The following IGF1R variants were observed in gnomAD, a reference collection of about 807,000 sequenced individuals.
The protein encoded by IGF1R is insulin like growth factor 1 receptor, also known as insulin-like growth factor 1 receptor.
Under a neutral mutation model 144.6 loss-of-function variants are expected in IGF1R, and 44 were observed. That is an observed-to-expected ratio of 0.30 (90% CI 0.24 to 0.39). The LOEUF is 0.39. Among genes scored for constraint, IGF1R ranks in the 10% least tolerant of loss-of-function variants. The pLI is 1.00. For missense variants in IGF1R, 1,355 were observed against 1,833.7 expected (o/e 0.74, Z 4.77); for synonymous variants, 795 against 722.8 (o/e 1.10, Z -1.60).
At chr15:98,741,122 C>T (rs906426093) in intron 2 of IGF1R, among the ~76,000 whole-genome samples, 2 of 151,868 alleles carry the variant, frequency 1.3e-5, no homozygotes, top group Non-Finnish European at 2.9e-5. Flanking sequence ...TTTAGAATGA[C>T]TCTCTTGGGT....
Position 98,959,073 on chromosome 15 carries a change from C to G in IGF1R, c.*1631C>G, listed in dbSNP as rs1376023656. ...GCCTGTTACAGTGCAAGACATGATA[C>G]AAACTCAGGTCAGAAAAACAAAGGT... On this transcript the variant is annotated 3_prime_UTR_variant, in exon 21 of 21. Coordinates refer to ENST00000650285, the MANE Select transcript of IGF1R (RefSeq NM_000875.5). 4 of 233,176 alleles carry G rather than the reference C, an allele frequency of 1.7e-5. No homozygotes were observed. The East Asian group carries it at 2.4e-4, about 14-fold the overall frequency. 14.4% of individuals were successfully genotyped at this position (233,176 alleles called of 1,614,324 possible).
intron 2 of IGF1R, among the ~76,000 whole-genome samples, chr15:98,856,997 C>G: frequency 6.6e-6 from 1 of 151,850 alleles, no homozygotes. Context: ...ACCCCTTTCT[C>G]TTAAGTTTTG....
At chr15:98,884,736 C>CATATCTTGA (rs2013555303) in intron 2 of IGF1R, among the ~76,000 whole-genome samples, 2 of 150,004 alleles carry the variant, frequency 1.3e-5, no homozygotes, top group Non-Finnish European at 3.0e-5. Context: ...TGGTCCTGGA[C>CATATCTTGA]ATATCTTGAA....
intron 2 of IGF1R, among the ~76,000 whole-genome samples, chr15:98,750,246 TG>T (rs967527135): frequency 1.3e-5 from 2 of 152,172 alleles, no homozygotes; most frequent in African/African-American, 4.8e-5. Flanking sequence ...GCTCCCTTGT[TG>T]GGGGGTCCCT....
intron 2 of IGF1R, among the ~76,000 whole-genome samples, chr15:98,730,976 G>T (rs2054484722): frequency 6.6e-6 from 1 of 152,184 alleles, no homozygotes; most frequent in African/African-American, 2.4e-5. Flanking sequence ...TGCTCTTTCT[G>T]TTAATTCATC....
chr15:98,742,151 G>A (rs41350349), intron 2 of IGF1R, among the ~76,000 whole-genome samples: 22,844 of 152,172 alleles, frequency 0.15, 2,178 homozygotes, highest in Non-Finnish European at 0.2. Flanking sequence ...AGCTGGGTTG[G>A]GGGAGAACCT....
intron 2 of IGF1R, among the ~76,000 whole-genome samples, chr15:98,761,475 G>A (rs889155163): frequency 1.3e-5 from 2 of 152,178 alleles, no homozygotes; most frequent in African/African-American, 4.8e-5. Context: ...CAGAGGACAG[G>A]GCCAGGGATC....
rs1339065550 is a variant in IGF1R at position 98,924,621 on chromosome 15, G to T, written c.2719G>T (p.Ala907Ser). Residue 907 changes from alanine to serine, a missense_variant, in exon 13 of 21, where the codon GCC (alanine) becomes TCC (serine). This residue lies in a region of IGF1R where 880 missense variants were observed against 1,202.7 expected (regional missense o/e 0.73). Coordinates refer to ENST00000650285, the MANE Select transcript of IGF1R (RefSeq NM_000875.5). ...NPGNYTARIQATSLSGNGSWT... is the reference protein window; with the variant it reads ...NPGNYTARIQSTSLSGNGSWT... ...GGGGAACTACACAGCCCGGATTCAG[G>T]CCACATCTCTCTCTGGGAATGGGTC... is the stretch of plus-strand genomic sequence containing the variant. The T allele has an allele frequency of 1.2e-6, 2 of 1,614,062 alleles. No individual in the cohort carries two copies. The highest frequency in any genetic ancestry group is 2.7e-5 in the African/African-American group (2 of 74,918).
intron 2 of IGF1R, among the ~76,000 whole-genome samples, chr15:98,720,597 A>G (rs1324971730): frequency 6.6e-6 from 1 of 152,210 alleles, no homozygotes; most frequent in Non-Finnish European, 1.5e-5. Flanking sequence ...TTACTGAGGG[A>G]TAACGGATGT....
At chr15:98,769,705 A>T (rs1159072430) in intron 2 of IGF1R, among the ~76,000 whole-genome samples, 1 of 152,246 alleles carries the variant, frequency 6.6e-6, no homozygotes, top group Non-Finnish European at 1.5e-5. Flanking sequence ...GAGGGGACTT[A>T]TCGACAGTTC....
chr15:98,797,840 AAAT>A (rs2056281538), intron 2 of IGF1R, among the ~76,000 whole-genome samples: 1 of 152,248 alleles, frequency 6.6e-6, no homozygotes. Flanking sequence ...AGTAGACAGA[AAAT>A]AATGTCAGAC....
At position 98,957,579 on chromosome 15, in the gene IGF1R, G is replaced by C. The variant is rs549027440; in HGVS notation, c.*137G>C. ...CTTCAGAACTGCCCTTGCTGCCCGC[G>C]GGAGACAGCTTCTCTGCAGTAAAAC... On this transcript the variant is annotated 3_prime_UTR_variant, in exon 21 of 21. Coordinates refer to ENST00000650285, the MANE Select transcript of IGF1R (RefSeq NM_000875.5). 3.4e-5 allele frequency: 36 copies of C among 1,059,084 alleles called. No individual in the cohort carries two copies. The East Asian group carries it at 8.4e-4, about 25-fold the overall frequency. The allele number at this position is 1,059,084 out of a possible 1,614,324, so 65.6% of individuals were successfully genotyped here. A position where few individuals can be genotyped will look rare whatever the true frequency, so the allele number is the denominator to read the frequency against.
chr15:98,899,206 A>T (rs757264745), intron 4 of IGF1R, among the ~76,000 whole-genome samples: 1 of 152,154 alleles, frequency 6.6e-6, no homozygotes, highest in African/African-American at 2.4e-5. Context: ...GGTATTTATG[A>T]TTTTATATTT....
At chr15:98,809,376 C>G (rs1044128895) in intron 2 of IGF1R, among the ~76,000 whole-genome samples, 1 of 152,092 alleles carries the variant, frequency 6.6e-6, no homozygotes, top group Admixed American at 6.6e-5. Flanking sequence ...CTTCCTTCTG[C>G]GAAGGTGAGT....
intron 1 of IGF1R, among the ~76,000 whole-genome samples, chr15:98,691,656 C>A (rs946529371): frequency 6.6e-6 from 1 of 152,092 alleles, no homozygotes. Context: ...AGCCACCCTG[C>A]CCGGCCCATG....
intron 1 of IGF1R, among the ~76,000 whole-genome samples, chr15:98,669,770 T>G (rs185482920): frequency 6.6e-6 from 1 of 152,320 alleles, no homozygotes; most frequent in African/African-American, 2.4e-5. Context: ...GTGTTCTAGC[T>G]TCCCGTGCCG....
chr15:98,850,862 T>G (rs1159231781), intron 2 of IGF1R, among the ~76,000 whole-genome samples: 1 of 149,992 alleles, frequency 6.7e-6, no homozygotes, highest in African/African-American at 2.5e-5. Flanking sequence ...TGCAAATGTT[T>G]GGCAAGACTT....
chr15:98,869,923 A>C (rs1281181176), intron 2 of IGF1R, among the ~76,000 whole-genome samples: 3 of 152,208 alleles, frequency 2.0e-5, no homozygotes, highest in African/African-American at 4.8e-5. Context: ...TGTGAGGCAA[A>C]TAAAAATAAG....
In IGF1R at chr15:98,962,779, C is replaced by T. The variant is rs141739977; in HGVS notation, c.*5337C>T. 6.4e-5 allele frequency: 15 copies of T among 233,474 alleles called. No individual in the cohort carries two copies. Among genetic ancestry groups the T allele is most frequent in the African/African-American group, 2.9e-4 (13 of 45,442 alleles). The allele number at this position is 233,474 out of a possible 1,614,324, so 14.5% of individuals were successfully genotyped here. Reference sequence around the variant, plus strand: ...ACCACATCGAGGCTCAGCAGTCATCCGTGGGCATTTGGTTTCAACAAAGAA... The same window carrying T: ...ACCACATCGAGGCTCAGCAGTCATCTGTGGGCATTTGGTTTCAACAAAGAA... On this transcript the variant is annotated 3_prime_UTR_variant, in exon 21 of 21. Coordinates refer to ENST00000650285, the MANE Select transcript of IGF1R (RefSeq NM_000875.5).
Sources: allele counts gnomAD v4.1 joint callset (sites outside exome capture counted in the v4.1 genomes callset), GRCh38; gene constraint gnomAD v4.1.1; regional missense constraint gnomAD v4.1.1; transcripts MANE v1.5; gene names NCBI Gene and HGNC (gene_info 2026-07-23, HGNC 2026-07-21).